TSPAN7: variants seen among roughly 807,000 people sequenced by gnomAD.
TSPAN7 encodes tetraspanin 7.
TSPAN7 carries 1 observed loss-of-function variant against 17.6 expected under a neutral mutation model. The observed-to-expected ratio is 0.06, with a 90% CI of 0.02 to 0.27. The LOEUF is 0.27. Among genes scored for constraint, TSPAN7 ranks in the 10% least tolerant of loss-of-function variants. TSPAN7 has a pLI of 1.00. For synonymous variants in TSPAN7, 78 were observed against 79.0 expected, an observed-to-expected ratio of 0.99 and a Z score of 0.07; for missense variants, 112 against 201.7, an observed-to-expected ratio of 0.56 and a Z score of 2.69.
chrX:38,603,499 G>A (rs1201832765), intron 1 of TSPAN7, among the ~76,000 whole-genome samples: 2 of 111,762 alleles, frequency 1.8e-5, no homozygotes, highest in African/African-American at 6.5e-5. Flanking sequence ...CTCAGAAGTG[G>A]AAACAACCCA....
chrX:38,674,537 TAAGGGTTGCA>T (rs2069840982), intron 4 of TSPAN7, among the ~76,000 whole-genome samples: 2 of 111,830 alleles, frequency 1.8e-5, no homozygotes, highest in Non-Finnish European at 3.8e-5. Flanking sequence ...CTTGTATCAG[TAAGGGTTGCA>T]AGTATGGCAA....
chrX:38,622,981 G>A lies in TSPAN7; in HGVS notation c.82-43140G>A, dbSNP rs182390515. 62 of 329,957 alleles carry A rather than the reference G, an allele frequency of 1.9e-4. 1 individual carries two copies. The highest frequency in any genetic ancestry group is 7.2e-4 in the Admixed American group (23 of 32,103). 27.2% of individuals were successfully genotyped at this position (329,957 alleles called of 1,213,427 possible). On this transcript the variant is annotated intron_variant, in intron 1 of 7. Coordinates refer to ENST00000378482, the MANE Select transcript of TSPAN7 (RefSeq NM_004615.4). ...GTAATATGGTATGGAAGATGGAACC[G>A]AAGATTTGAGGTCAGAAGACCTAAG...
At chrX:38,562,506 G>A (rs1413082907) in intron 1 of TSPAN7, among the ~76,000 whole-genome samples, 2 of 107,225 alleles carry the variant, frequency 1.9e-5, no homozygotes, top group Non-Finnish European at 3.9e-5. Context: ...AGGGCCGCGG[G>A]GGGCTGCGTG....
intron 5 of TSPAN7, among the ~76,000 whole-genome samples, chrX:38,677,985 A>T (rs2069865344): frequency 8.9e-6 from 1 of 112,205 alleles, no homozygotes; most frequent in Non-Finnish European, 1.9e-5. Flanking sequence ...GGTGTCTTGG[A>T]CCCTGTACTT....
At chrX:38,571,060 G>T (rs950657379) in intron 1 of TSPAN7, 1 of 111,631 alleles carries the variant, frequency 9.0e-6, no homozygotes, top group African/African-American at 3.2e-5. Flanking sequence ...GTGAAGTCTG[G>T]GCTTTTAGTG....
intron 1 of TSPAN7, among the ~76,000 whole-genome samples, chrX:38,597,719 T>C (rs2069325195): frequency 9.0e-6 from 1 of 111,554 alleles, no homozygotes; most frequent in Non-Finnish European, 1.9e-5. Flanking sequence ...TCATAAAACA[T>C]AAGTGCTGTG....
chrX:38,653,566 T>C (rs758514031), intron 1 of TSPAN7, among the ~76,000 whole-genome samples: 14 of 112,400 alleles, frequency 1.2e-4, no homozygotes, highest in Non-Finnish European at 2.3e-4. Flanking sequence ...TCAAGCTTTA[T>C]TGATTCTTCA....
intron 1 of TSPAN7, among the ~76,000 whole-genome samples, chrX:38,632,335 A>G (rs1030618712): frequency 4.5e-5 from 5 of 112,095 alleles, no homozygotes; most frequent in Non-Finnish European, 1.9e-5. Flanking sequence ...ATGCTCCAAA[A>G]TCAGTGGCTT....
chrX:38,561,902 G>T, intron 1 of TSPAN7, among the ~76,000 whole-genome samples: 1 of 111,839 alleles, frequency 8.9e-6, no homozygotes, highest in Middle Eastern at 4.7e-3. Flanking sequence ...AAATGTTAAT[G>T]CATTAGTTTC....
Position 38,688,414 on chromosome X carries a change from G to T in TSPAN7, c.*483G>T, listed in dbSNP as rs1334079492. 1.8e-5 allele frequency: 2 copies of T among 113,154 alleles called. No individual in the cohort carries two copies. Among genetic ancestry groups the T allele is most frequent in the Non-Finnish European group, 3.7e-5 (2 of 53,354 alleles). 9.3% of individuals were successfully genotyped at this position (113,154 alleles called of 1,213,427 possible). The stretch of plus-strand genomic sequence containing the variant: ...CTGTTCTTTTGACTTAATCTCATTT[G>T]GTTTGATTTTCCCTCTACTAAGGCT... On this transcript the variant is annotated 3_prime_UTR_variant, in exon 8 of 8. Transcript: ENST00000378482.
At chrX:38,605,349 A>G (rs1359142252) in intron 1 of TSPAN7, among the ~76,000 whole-genome samples, 1 of 110,576 alleles carries the variant, frequency 9.0e-6, no homozygotes, top group Non-Finnish European at 1.9e-5. Flanking sequence ...AATCCAACTT[A>G]CAAGGGATGT....
chrX:38,596,082 G>A (rs2069317278), intron 1 of TSPAN7, among the ~76,000 whole-genome samples: 1 of 111,571 alleles, frequency 9.0e-6, no homozygotes, highest in Admixed American at 9.5e-5. Flanking sequence ...TCACAAAGTA[G>A]TCTTTGATGT....
At chrX:38,651,916 C>G (rs986631530) in intron 1 of TSPAN7, among the ~76,000 whole-genome samples, 1 of 111,828 alleles carries the variant, frequency 8.9e-6, no homozygotes, top group African/African-American at 3.3e-5. Context: ...TATCTTTAAC[C>G]AGCTTCACTG....
chrX:38,626,032 T>G (rs1347255717), intron 1 of TSPAN7, among the ~76,000 whole-genome samples: 1 of 112,450 alleles, frequency 8.9e-6, no homozygotes, highest in East Asian at 2.8e-4. Context: ...AGACTGTTTC[T>G]TGTTCACTGC....
At chrX:38,576,814 A>G (rs2069196551) in intron 1 of TSPAN7, among the ~76,000 whole-genome samples, 1 of 112,145 alleles carries the variant, frequency 8.9e-6, no homozygotes. Context: ...GTAAGTAGAC[A>G]TAAGCCTTAT....
chrX:38,579,718 CAG>C (rs2069217615), intron 1 of TSPAN7, among the ~76,000 whole-genome samples: 1 of 111,246 alleles, frequency 9.0e-6, no homozygotes, highest in African/African-American at 3.3e-5. Context: ...AATCCTAAAA[CAG>C]AGAACGATAT....
chrX:38,679,011 A>G (rs1191163886), intron 5 of TSPAN7, among the ~76,000 whole-genome samples: 1 of 111,934 alleles, frequency 8.9e-6, no homozygotes, highest in East Asian at 2.8e-4. Context: ...AGATCCATAC[A>G]TTGAGGAACA....
Position 38,581,104 on chromosome X carries a change from G to A in TSPAN7, c.81+19477G>A, listed in dbSNP as rs185909540. On this transcript the variant is annotated intron_variant, in intron 1 of 7. Transcript: ENST00000378482. ...CCATCTTGTCACATTTTTTGCTATC[G>A]TCCCAGCTCAAAACTTTAGTTTCTC... 7.1e-5 allele frequency among the ~76,000 whole-genome samples: 8 copies of A among 112,093 alleles called. No individual in the cohort carries two copies. The East Asian group carries it at 2.0e-3, about 28-fold the overall frequency.
chrX:38,585,858 G>A (rs2069255663), intron 1 of TSPAN7, among the ~76,000 whole-genome samples: 1 of 112,320 alleles, frequency 8.9e-6, no homozygotes, highest in East Asian at 2.8e-4. Context: ...TATGTGACAT[G>A]GGGGCTCCCC....
Sources: allele counts gnomAD v4.1 joint callset (sites outside exome capture counted in the v4.1 genomes callset), GRCh38; gene constraint gnomAD v4.1.1; transcripts MANE v1.5; gene names NCBI Gene and HGNC (gene_info 2026-07-23, HGNC 2026-07-21).